Variants in PLEC observed in about 807,000 individuals in gnomAD.
PLEC encodes the protein plectin.
PLEC carries 216 observed loss-of-function variants against 392.8 expected under a neutral mutation model. The observed-to-expected ratio is 0.55, with a 90% CI of 0.49 to 0.62. The LOEUF (loss-of-function observed/expected upper bound fraction) is 0.62. PLEC is among the 20% of genes least tolerant of loss of function. The pLI is 0.00. For synonymous variants in PLEC, 3,621 were observed against 2,980.6 expected, an observed-to-expected ratio of 1.21 and a Z score of -7.00; for missense variants, 6,863 against 6,563.4, an observed-to-expected ratio of 1.05 and a Z score of -1.58.
chr8:143,945,163 A>G (rs782463824), intron 1 of PLEC: 1 of 455,362 alleles, frequency 2.2e-6, no homozygotes, highest in Non-Finnish European at 4.4e-6. Context: ...CACTCAACAC[A>G]GCACCTGGCC....
chr8:143,927,957 T>C lies in PLEC; in HGVS notation c.3296A>G (p.Gln1099Arg). The C allele has an allele frequency of 1.9e-6, 3 of 1,601,636 alleles. No individual in the cohort carries two copies. The highest frequency in any genetic ancestry group is 2.6e-6 in the Non-Finnish European group (3 of 1,172,188). ...GGCCCTGAGCACCTCCTCGGCCCCC[T>C]GCGTGCCGCGGATCACCAGGCTGAT... is the stretch of plus-strand genomic sequence containing the variant. Reference protein sequence around the residue: ...KTISLVIRGTQGAEEVLRAHE... With the variant: ...KTISLVIRGTRGAEEVLRAHE... Residue 1099 changes from glutamine to arginine, a missense_variant, in exon 26 of 32, where the codon CAG becomes CGG. Gln to Arg is a conservative substitution (Grantham distance 43). Transcript: ENST00000345136.
At chr8:143,960,619 GA>G (rs1182426797) in intron 1 of PLEC, among the ~76,000 whole-genome samples, 40 of 140,816 alleles carry the variant, frequency 2.8e-4, no homozygotes, top group African/African-American at 3.6e-4. Flanking sequence ...TCTGTCTCAA[GA>G]AAAAAAAAAA....
rs1302689105 is a variant in PLEC, at chr8:143,919,488, T to C, written c.10333A>G (p.Ile3445Val). The C allele has an allele frequency of 8.7e-6, 14 of 1,613,054 alleles. No individual in the cohort carries two copies. The highest frequency in any genetic ancestry group is 8.5e-6 in the Non-Finnish European group (10 of 1,179,880). Residue 3445 changes from isoleucine to valine, a missense_variant, in exon 32 of 32, where the codon ATC becomes GTC. Transcript: ENST00000345136. Reference protein sequence around the residue: ...GYRDPYSGSTISLFQAMQKGL... With the variant: ...GYRDPYSGSTVSLFQAMQKGL... ...TTCTGCATGGCCTGGAAGAGGGAGA[T>C]GGTGCTGCCCGAGTAGGGGTCTCTG...
intron 1 of PLEC, among the ~76,000 whole-genome samples, chr8:143,959,542 A>G (rs1832766029): frequency 6.6e-6 from 1 of 152,242 alleles, no homozygotes; most frequent in Non-Finnish European, 1.5e-5. Context: ...TGGCTCTGCC[A>G]GGAGACTCCT....
intron 10 of PLEC, 76 bp downstream of exon 10, chr8:143,934,559 C>T (rs1828440905): frequency 3.1e-6 from 5 of 1,600,732 alleles, no homozygotes; most frequent in Non-Finnish European, 4.3e-6. Context: ...AAGGCAGGGC[C>T]AGGTCGGCTC....
At chr8:143,934,541 T>G in intron 10 of PLEC, 94 bp downstream of exon 10, 2 of 1,597,770 alleles carry the variant, frequency 1.3e-6, no homozygotes, top group Middle Eastern at 3.3e-4. Context: ...GGGACAGCCC[T>G]GGTCCCAAAG....
At chr8:143,935,726 C>T in intron 6 of PLEC, 122 bp downstream of exon 6, 2 of 1,097,042 alleles carry the variant, frequency 1.8e-6, no homozygotes, top group Non-Finnish European at 2.7e-6. Context: ...CCGAGGCGGC[C>T]AGCTGGCACT....
upstream of PLEC, chr8:143,942,350 T>C (rs1554729273): frequency 1.3e-6 from 2 of 1,596,104 alleles, no homozygotes; most frequent in African/African-American, 1.3e-5. Flanking sequence ...GTGAGAGCGA[T>C]GGTGGCCCCT....
chr8:143,955,641 C>T (rs557788321), upstream of PLEC, among the ~76,000 whole-genome samples: 3 of 152,120 alleles, frequency 2.0e-5, no homozygotes, highest in South Asian at 2.1e-4. Flanking sequence ...ACTCTGTCAC[C>T]CAGGCTAGAG....
chr8:143,972,623 C>T lies in PLEC; in HGVS notation c.70+780G>A, dbSNP rs188379167. Among the ~76,000 whole-genome samples, 5 of 152,362 alleles carry T rather than the reference C, an allele frequency of 3.3e-5. No homozygotes were observed. The East Asian group carries it at 9.7e-4, about 29-fold the overall frequency. The stretch of plus-strand genomic sequence containing the variant: ...CCTGGGGGCCCCCACCGCGACCCTC[C>T]CCAGCAGCTCAGTCCCTTGCTCCTA... On this transcript the variant is annotated intron_variant, in intron 1 of 31. Transcript: ENST00000356346.
At chr8:143,967,860 G>A (rs1240928672) in intron 1 of PLEC, among the ~76,000 whole-genome samples, 8 of 152,134 alleles carry the variant, frequency 5.3e-5, no homozygotes, top group Middle Eastern at 6.3e-3. Context: ...GGCCAGGCGC[G>A]GTGGCTCACA....
At position 143,918,179 on chromosome 8, in the gene PLEC, C is replaced by T. The variant is rs199504789; in HGVS notation, c.11642G>A (p.Arg3881His). The T allele has an allele frequency of 1.3e-4, 206 of 1,593,822 alleles. No homozygotes were observed. The highest frequency in any genetic ancestry group is 2.8e-4 in the South Asian group (25 of 90,904). ...CCGCAGGCCACGGAAGGTCAGCTTG[C>T]GGGCGTCCGACAGTGGCAGGAGCAG... ...GQLLLPLSDA[R>H]KLTFRGLRKQ... The change falls in exon 32 of 32, where the codon CGC becomes CAC. Residue 3881 changes from arginine to histidine, a missense_variant. By Grantham distance (29) the Arg-to-His change is conservative. Coordinates refer to ENST00000345136, the MANE Select transcript of PLEC (RefSeq NM_201384.3).
At chr8:143,947,573 C>A (rs1831644381) in intron 1 of PLEC, among the ~76,000 whole-genome samples, 1 of 151,762 alleles carries the variant, frequency 6.6e-6, no homozygotes, top group African/African-American at 2.4e-5. Context: ...GGCGAAACCC[C>A]GTCTCTACTA....
rs782297488 is a variant in PLEC at position 143,920,889 on chromosome 8, G to A, written c.8932C>T (p.Arg2978Cys). Residue 2978 changes from arginine to cysteine, a missense_variant, in exon 32 of 32, where the codon CGC becomes TGC. Transcript: ENST00000345136. Reference sequence around the variant, plus strand: ...AGCTCGGCGGCTGGCACCAGGCTGCGCAGGCCCTCAAAGCAAAGCCGGCCC... The same window carrying A: ...AGCTCGGCGGCTGGCACCAGGCTGCACAGGCCCTCAAAGCAAAGCCGGCCC... Reference protein sequence around the residue: ...QKGRLCFEGLRSLVPAAELLE... With the variant: ...QKGRLCFEGLCSLVPAAELLE... 138 of 1,611,458 alleles carry A rather than the reference G, an allele frequency of 8.6e-5. No homozygotes were observed. Among genetic ancestry groups the A allele is most frequent in the South Asian group, 4.7e-4 (43 of 91,080 alleles).
chr8:143,925,141 C>T lies in PLEC; in HGVS notation c.4788G>A (p.Leu1596=). ...GTGCCACAGCCACGTGTTCCTCCTG[C>T]AGGGAGCGCTCCAGCTGTGCCGTCT... The part of the protein sequence containing the change: ...AEKTAQLERS[L]QEEHVAVAQL... The change falls in exon 31 of 32, where the codon CTG becomes CTA. Residue 1596 remains leucine, a synonymous_variant. Coordinates refer to ENST00000345136, the MANE Select transcript of PLEC (RefSeq NM_201384.3). The T allele has an allele frequency of 6.4e-7, 1 of 1,558,730 alleles. No homozygotes were observed. The highest frequency in any genetic ancestry group is 8.6e-7 in the Non-Finnish European group (1 of 1,160,192).
intron 1 of PLEC, among the ~76,000 whole-genome samples, chr8:143,966,761 C>G (rs1184407481): frequency 6.6e-6 from 1 of 151,958 alleles, no homozygotes; most frequent in Admixed American, 6.5e-5. Flanking sequence ...CAATACACAG[C>G]CCCTGCGTCA....
At chr8:143,938,028 G>A (rs1829509798) in intron 3 of PLEC, 123 bp downstream of exon 3, 5 of 713,436 alleles carry the variant, frequency 7.0e-6, no homozygotes, top group South Asian at 4.9e-5. Context: ...CCAGGGAGAA[G>A]GCAGGAGGGG....
Position 143,933,288 on chromosome 8 carries a change from C to T in PLEC, c.1327G>A (p.Asp443Asn), listed in dbSNP as rs1827958033. 1 of 1,613,142 alleles carries T rather than the reference C, an allele frequency of 6.2e-7. No individual in the cohort carries two copies. Among genetic ancestry groups the T allele is most frequent in the South Asian group, 1.1e-5 (1 of 91,086 alleles). Residue 443 changes from aspartate to asparagine, a missense_variant, in exon 13 of 32, where the codon GAC (aspartate) becomes AAC (asparagine). Transcript: ENST00000345136. The stretch of plus-strand genomic sequence containing the variant: ...AGCCGGATCATGCTATCCGCCTTGT[C>T]CAAGTCCCGTTCCACCTCCCCCGCC... ...QRAGEVERDL[D>N]KADSMIRLLF...
At position 143,935,281 on chromosome 8, in the gene PLEC, C is replaced by T. The variant is rs533217840; in HGVS notation, c.635G>A (p.Arg212Gln). ...GTCCAGGTTCTCCAGGTTGGTCTGC[C>T]GGTACACCTTGTTCATGTCGATGAG... ...PLLIDMNKVY[R>Q]QTNLENLDQA... Residue 212 changes from arginine (R) to glutamine (Q), a missense_variant, in exon 7 of 32, where the codon CGG becomes CAG. Coordinates refer to ENST00000345136, the MANE Select transcript of PLEC (RefSeq NM_201384.3). The T allele has an allele frequency of 9.6e-5, 155 of 1,609,280 alleles. No individual in the cohort carries two copies. Among genetic ancestry groups the T allele is most frequent in the South Asian group, 9.0e-4 (82 of 91,058 alleles).
Sources: allele counts gnomAD v4.1 joint callset (sites outside exome capture counted in the v4.1 genomes callset), GRCh38; gene constraint gnomAD v4.1.1; transcripts MANE v1.5; gene names NCBI Gene and HGNC (gene_info 2026-07-23, HGNC 2026-07-21).